The following ATG10 variants were observed in gnomAD, a reference collection of about 807,000 sequenced individuals.
The protein encoded by ATG10 is ubiquitin-like-conjugating enzyme ATG10.
Under a neutral mutation model 32.1 loss-of-function variants are expected in ATG10, and 30 were observed. That is an observed-to-expected ratio of 0.94 (90% CI 0.70 to 1.27). ATG10 has a LOEUF of 1.27. Ranked by LOEUF, ATG10 falls within the 50% of genes most tolerant of loss-of-function variation. ATG10 has a pLI of 0.00. For synonymous variants in ATG10, 87 were observed against 91.5 expected (o/e 0.95, Z 0.28); for missense variants, 233 against 262.3 (o/e 0.89, Z 0.77).
chr5:82,210,463 A>T (rs977089522), intron 5 of ATG10, among the ~76,000 whole-genome samples: 1 of 152,098 alleles, frequency 6.6e-6, no homozygotes, highest in Non-Finnish European at 1.5e-5. Context: ...CTAAAATCCT[A>T]TGTGTTTACC....
intron 5 of ATG10, among the ~76,000 whole-genome samples, chr5:82,224,444 G>A (rs866246798): frequency 2.0e-5 from 3 of 152,156 alleles, no homozygotes; most frequent in African/African-American, 7.2e-5. Flanking sequence ...CCCCCAAAAG[G>A]TTCAGCTTTA....
At chr5:82,140,177 CGTCCGGG>C (rs1561321468) in intron 3 of ATG10, among the ~76,000 whole-genome samples, 7 of 95,378 alleles carry the variant, frequency 7.3e-5, no homozygotes, top group African/African-American at 3.0e-4. Context: ...CCAGCCGCCC[CGTCCGGG>C]AGGGAGGTGG....
intron 3 of ATG10, among the ~76,000 whole-genome samples, chr5:82,086,260 A>G (rs2149788168): frequency 6.6e-6 from 1 of 152,336 alleles, no homozygotes; most frequent in Admixed American, 6.5e-5. Context: ...AATTGAGTGG[A>G]TTCTACAAAG....
intron 5 of ATG10, among the ~76,000 whole-genome samples, chr5:82,226,936 A>T (rs1317889665): frequency 1.3e-5 from 2 of 152,218 alleles, no homozygotes; most frequent in African/African-American, 4.8e-5. Flanking sequence ...AATAATTTAA[A>T]TTTTAATTAA....
intron 2 of ATG10, among the ~76,000 whole-genome samples, chr5:81,994,965 A>G (rs1761617288): frequency 6.6e-6 from 1 of 152,160 alleles, no homozygotes; most frequent in African/African-American, 2.4e-5. Flanking sequence ...CATTCTTTGG[A>G]CAGAAAGAAT....
At chr5:82,001,210 A>C (rs541638451) in intron 2 of ATG10, among the ~76,000 whole-genome samples, 1 of 152,378 alleles carries the variant, frequency 6.6e-6, no homozygotes, top group South Asian at 2.1e-4. Flanking sequence ...ATACTGCCCA[A>C]AGCAATGTAC....
At chr5:82,105,727 C>A (rs1034122007) in intron 3 of ATG10, among the ~76,000 whole-genome samples, 3 of 152,106 alleles carry the variant, frequency 2.0e-5, no homozygotes, top group Non-Finnish European at 4.4e-5. Flanking sequence ...ACCCACCTAA[C>A]AGAGTGGCAC....
At chr5:82,004,293 A>C (rs1761930080) in intron 2 of ATG10, among the ~76,000 whole-genome samples, 1 of 152,220 alleles carries the variant, frequency 6.6e-6, no homozygotes, top group South Asian at 2.1e-4. Context: ...GAGCCTAGTG[A>C]TCAGTCTTTG....
rs1356334286 is a variant in ATG10, at chr5:82,039,454, T to C, written c.109-19041T>C. Among the ~76,000 whole-genome samples, 5 of 152,306 alleles carry C rather than the reference T, an allele frequency of 3.3e-5. No homozygotes were observed. The East Asian group carries it at 9.6e-4, about 29-fold the overall frequency. The stretch of plus-strand genomic sequence containing the variant: ...GATTTATTATACATTTCAGAAATAC[T>C]ATAAGAAAATAGAAATGAATATTAT... On this transcript the variant is annotated intron_variant, in intron 2 of 7. Transcript: ENST00000282185.
intron 2 of ATG10, among the ~76,000 whole-genome samples, chr5:82,045,600 C>T (rs1240983008): frequency 6.6e-6 from 1 of 152,106 alleles, no homozygotes; most frequent in East Asian, 1.9e-4. Flanking sequence ...CTATGGGAAG[C>T]AGGAGTTCTG....
chr5:82,197,450 A>G (rs980500145), intron 5 of ATG10, among the ~76,000 whole-genome samples: 15 of 133,268 alleles, frequency 1.1e-4, no homozygotes, highest in African/African-American at 3.9e-4. Context: ...CTATCTATCT[A>G]TCTGTCTATC....
intron 5 of ATG10, among the ~76,000 whole-genome samples, chr5:82,187,845 C>T (rs1381568836): frequency 6.6e-6 from 1 of 152,136 alleles, no homozygotes; most frequent in Non-Finnish European, 1.5e-5. Flanking sequence ...ACCTCGGCCT[C>T]CCAAAGTGCT....
At chr5:82,088,827 C>G (rs17244400) in intron 3 of ATG10, among the ~76,000 whole-genome samples, 2,986 of 152,206 alleles carry the variant, frequency 0.02, 50 homozygotes, top group Middle Eastern at 0.058. Context: ...GGCTAGGTCA[C>G]TTAGGTAGTA....
At chr5:81,982,440 T>TC (rs1161071579) in intron 1 of ATG10, among the ~76,000 whole-genome samples, 1 of 152,108 alleles carries the variant, frequency 6.6e-6, no homozygotes, top group Admixed American at 6.6e-5. Context: ...CCTGGGCGAT[T>TC]CCGTCTCCAA....
intron 3 of ATG10, among the ~76,000 whole-genome samples, chr5:82,099,187 CTT>C (rs1202669403): frequency 6.6e-6 from 1 of 151,962 alleles, no homozygotes; most frequent in Non-Finnish European, 1.5e-5. Flanking sequence ...TTGGAAAAAA[CTT>C]TACCTCTATA....
At chr5:82,010,063 C>T (rs1402947236) in intron 2 of ATG10, 4 of 1,610,188 alleles carry the variant, frequency 2.5e-6, no homozygotes, top group African/African-American at 2.7e-5. Context: ...CCATCGACGG[C>T]AATGTCGAAG....
At chr5:82,068,194 A>G (rs1216640527) in intron 3 of ATG10, among the ~76,000 whole-genome samples, 24 of 152,306 alleles carry the variant, frequency 1.6e-4, no homozygotes, top group Non-Finnish European at 2.9e-5. Flanking sequence ...TGTGGCACAT[A>G]TATACCATGG....
intron 1 of ATG10, among the ~76,000 whole-genome samples, chr5:81,982,264 G>C (rs551621221): frequency 6.6e-6 from 1 of 152,096 alleles, no homozygotes; most frequent in East Asian, 1.9e-4. Context: ...TCAGGAGTTC[G>C]CAACCAGCCT....
At chr5:81,980,308 C>A (rs1760999262) in intron 1 of ATG10, among the ~76,000 whole-genome samples, 1 of 152,170 alleles carries the variant, frequency 6.6e-6, no homozygotes, top group Non-Finnish European at 1.5e-5. Context: ...AGCTTTCCCT[C>A]TTCCTGTTTA....
Sources: allele counts gnomAD v4.1 joint callset (sites outside exome capture counted in the v4.1 genomes callset), GRCh38; gene constraint gnomAD v4.1.1; transcripts MANE v1.5; gene names NCBI Gene and HGNC (gene_info 2026-07-23, HGNC 2026-07-21).